FUT9: variants seen among roughly 807,000 people sequenced by gnomAD.
The protein encoded by FUT9 is fucosyltransferase 9.
FUT9 carries 15 observed loss-of-function variants against 29.7 expected under a neutral mutation model. The ratio of observed to expected loss-of-function variants is 0.51; its 90% CI spans 0.34 to 0.78. FUT9 has a LOEUF of 0.78. Among genes scored for constraint, FUT9 ranks in the 30% least tolerant of loss-of-function variants. The pLI, the probability that FUT9 is intolerant of heterozygous loss-of-function variation, is 0.01. For synonymous variants in FUT9, 169 were observed against 153.7 expected (o/e 1.10, Z -0.74); for missense variants, 319 against 425.4 (o/e 0.75, Z 2.20).
intron 1 of FUT9, among the ~76,000 whole-genome samples, chr6:96,042,155 T>A (rs1430630732): frequency 6.6e-6 from 1 of 152,176 alleles, no homozygotes; most frequent in African/African-American, 2.4e-5. Flanking sequence ...AAGCTGTGCC[T>A]GCAGTCACCA....
At chr6:96,189,391 T>C (rs1773464485) in intron 2 of FUT9, among the ~76,000 whole-genome samples, 1 of 151,926 alleles carries the variant, frequency 6.6e-6, no homozygotes, top group African/African-American at 2.4e-5. Flanking sequence ...TTATAAGCAA[T>C]TGGAATTCAT....
intron 2 of FUT9, among the ~76,000 whole-genome samples, chr6:96,146,137 C>T (rs1471915584): frequency 4.6e-5 from 7 of 152,092 alleles, no homozygotes; most frequent in Non-Finnish European, 1.5e-5. Context: ...CCACACTGGG[C>T]CAGATTTTGA....
intron 2 of FUT9, among the ~76,000 whole-genome samples, chr6:96,168,709 A>C (rs926098224): frequency 2.0e-5 from 3 of 152,254 alleles, no homozygotes; most frequent in Admixed American, 6.5e-5. Flanking sequence ...GCAAAGTGAA[A>C]TACAAGAGTA....
intron 2 of FUT9, among the ~76,000 whole-genome samples, chr6:96,191,297 T>C (rs1773504340): frequency 1.3e-5 from 2 of 152,088 alleles, no homozygotes; most frequent in African/African-American, 2.4e-5. Flanking sequence ...AGGAGCTAGT[T>C]TTTTTGAAAA....
intron 2 of FUT9, among the ~76,000 whole-genome samples, chr6:96,169,554 T>C (rs893712288): frequency 6.6e-6 from 1 of 152,188 alleles, no homozygotes; most frequent in African/African-American, 2.4e-5. Context: ...AGGTCTCGAC[T>C]GAAGATCAGA....
intron 1 of FUT9, among the ~76,000 whole-genome samples, chr6:96,052,452 G>A (rs1251315094): frequency 2.0e-5 from 3 of 152,084 alleles, no homozygotes; most frequent in African/African-American, 7.2e-5. Flanking sequence ...TCACCCCATA[G>A]CTTCTTGGAA....
intron 1 of FUT9, among the ~76,000 whole-genome samples, chr6:96,104,631 T>C (rs925828911): frequency 5.9e-5 from 9 of 152,134 alleles, no homozygotes; most frequent in Admixed American, 2.0e-4. Context: ...TCCAGGTTCA[T>C]GCCATTCTCC....
At chr6:96,034,218 T>C (rs1258394771) in intron 1 of FUT9, among the ~76,000 whole-genome samples, 1 of 151,536 alleles carries the variant, frequency 6.6e-6, no homozygotes, top group Non-Finnish European at 1.5e-5. Flanking sequence ...AGAGGCAACC[T>C]CTGTACCAAC....
At chr6:96,091,873 T>A (rs1003976299) in intron 1 of FUT9, among the ~76,000 whole-genome samples, 8 of 152,122 alleles carry the variant, frequency 5.3e-5, no homozygotes, top group African/African-American at 1.9e-4. Context: ...TTTAAGGATT[T>A]TGAGCGAGAA....
chr6:96,078,758 T>C (rs1272516010), intron 1 of FUT9, among the ~76,000 whole-genome samples: 1 of 152,086 alleles, frequency 6.6e-6, no homozygotes, highest in African/African-American at 2.4e-5. Context: ...TGATCGTTAA[T>C]TAGGCATTCA....
intron 1 of FUT9, among the ~76,000 whole-genome samples, chr6:96,085,445 G>A (rs559848872): frequency 4.6e-5 from 7 of 152,142 alleles, no homozygotes; most frequent in Admixed American, 1.3e-4. Flanking sequence ...ATTCCCAAGC[G>A]TAGAGCACTC....
intron 2 of FUT9, among the ~76,000 whole-genome samples, chr6:96,152,556 G>A (rs1772696743): frequency 6.6e-6 from 1 of 152,148 alleles, no homozygotes; most frequent in Non-Finnish European, 1.5e-5. Flanking sequence ...TTGGAGTGGG[G>A]CTTGAAAAAT....
chr6:96,098,262 C>T, intron 1 of FUT9, among the ~76,000 whole-genome samples: 1 of 152,052 alleles, frequency 6.6e-6, no homozygotes, highest in East Asian at 1.9e-4. Flanking sequence ...TCTGGATCTC[C>T]CTCCTCTGAC....
At chr6:96,094,008 T>C (rs894740898) in intron 1 of FUT9, among the ~76,000 whole-genome samples, 1 of 152,144 alleles carries the variant, frequency 6.6e-6, no homozygotes, top group African/African-American at 2.4e-5. Flanking sequence ...AATGTATATG[T>C]CATGTTTTAA....
chr6:96,127,154 C>G (rs1437093058), intron 2 of FUT9, among the ~76,000 whole-genome samples: 1 of 151,938 alleles, frequency 6.6e-6, no homozygotes, highest in Non-Finnish European at 1.5e-5. Context: ...GCAGAGTATC[C>G]AATAGGTAGT....
intron 2 of FUT9, among the ~76,000 whole-genome samples, chr6:96,145,759 T>A (rs1012584267): frequency 6.6e-6 from 1 of 152,192 alleles, no homozygotes; most frequent in Admixed American, 6.5e-5. Context: ...CAAGAAATGA[T>A]GTTGATAGAG....
intron 2 of FUT9, among the ~76,000 whole-genome samples, chr6:96,190,136 T>G (rs979258551): frequency 1.8e-4 from 27 of 152,152 alleles, no homozygotes; most frequent in Non-Finnish European, 1.9e-4. Context: ...TGCTTGTCTA[T>G]AAAGGATTTT....
intron 2 of FUT9, among the ~76,000 whole-genome samples, chr6:96,166,699 T>C (rs1344047130): frequency 6.6e-6 from 1 of 152,150 alleles, no homozygotes; most frequent in Non-Finnish European, 1.5e-5. Context: ...CCCCTCAGTA[T>C]CCCTTGGGGC....
intron 2 of FUT9, among the ~76,000 whole-genome samples, chr6:96,149,285 T>A (rs952442047): frequency 9.9e-5 from 15 of 152,102 alleles, no homozygotes; most frequent in Non-Finnish European, 1.8e-4. Context: ...GCATTTTTTT[T>A]AAATGAAGAA....
Sources: allele counts gnomAD v4.1 joint callset (sites outside exome capture counted in the v4.1 genomes callset), GRCh38; gene constraint gnomAD v4.1.1; transcripts MANE v1.5; gene names NCBI Gene and HGNC (gene_info 2026-07-23, HGNC 2026-07-21).